The following AFF1 variants were observed in gnomAD, a reference collection of about 807,000 sequenced individuals.
The protein encoded by AFF1 is AF4/FMR2 family member 1.
A neutral mutation model predicts 121.7 loss-of-function variants in AFF1; 48 were observed. That is an observed-to-expected ratio of 0.39 (90% CI 0.31 to 0.50). The LOEUF (loss-of-function observed/expected upper bound fraction) is 0.50. Ranked by LOEUF, AFF1 falls within the 20% of genes least tolerant of loss-of-function variation. The pLI is 0.76. For missense variants in AFF1, 1,523 were observed against 1,511.7 expected, an observed-to-expected ratio of 1.01 and a Z score of -0.12; for synonymous variants, 613 against 563.0, an observed-to-expected ratio of 1.09 and a Z score of -1.26.
intron 4 of AFF1, among the ~76,000 whole-genome samples, chr4:87,075,107 T>G (rs763557229): frequency 1.3e-5 from 2 of 152,190 alleles, no homozygotes; most frequent in Non-Finnish European, 2.9e-5. Flanking sequence ...ATAATCAAAA[T>G]GACCAACTGG....
chr4:87,027,742 A>G (rs1460811888), intron 2 of AFF1, among the ~76,000 whole-genome samples: 1 of 151,900 alleles, frequency 6.6e-6, no homozygotes, highest in Non-Finnish European at 1.5e-5. Flanking sequence ...CAAAATCCTA[A>G]ACATTCCAAA....
intron 1 of AFF1, among the ~76,000 whole-genome samples, chr4:86,938,361 A>T (rs1720198616): frequency 6.6e-6 from 1 of 151,628 alleles, no homozygotes; most frequent in Non-Finnish European, 1.5e-5. Flanking sequence ...AAGGCAGGAA[A>T]GTCGCTTGAA....
At chr4:87,095,613 A>G (rs1345730216) in intron 8 of AFF1, among the ~76,000 whole-genome samples, 3 of 152,202 alleles carry the variant, frequency 2.0e-5, no homozygotes, top group East Asian at 1.9e-4. Context: ...GGATGTGCAC[A>G]ATTGAAGATT....
chr4:86,948,253 G>A (rs1391817200), intron 1 of AFF1, among the ~76,000 whole-genome samples: 1 of 151,974 alleles, frequency 6.6e-6, no homozygotes, highest in Non-Finnish European at 1.5e-5. Flanking sequence ...CCTCCTTATG[G>A]TAAACTTGTG....
intron 2 of AFF1, among the ~76,000 whole-genome samples, chr4:87,039,910 A>ATTTC (rs2149599420): frequency 6.6e-6 from 1 of 151,970 alleles, no homozygotes; most frequent in African/African-American, 2.4e-5. Context: ...TTATTTATTT[A>ATTTC]TTTATTTTTG....
intron 2 of AFF1, among the ~76,000 whole-genome samples, chr4:87,039,225 C>A (rs888040792): frequency 6.6e-6 from 1 of 152,200 alleles, no homozygotes; most frequent in African/African-American, 2.4e-5. Context: ...GAATCACTCT[C>A]ACTAATCCTT....
Position 86,970,032 on chromosome 4 carries a change from G to A in AFF1, c.38+21461G>A, listed in dbSNP as rs142733540. 1.6e-3 allele frequency among the ~76,000 whole-genome samples: 248 copies of A among 151,982 alleles called. 1 individual carries two copies. Among genetic ancestry groups the A allele is most frequent in the African/African-American group, 5.8e-3 (239 of 41,424 alleles). Reference sequence around the variant, plus strand: ...CTAGATAAACACATTCATAGAACAGGTCTGAAAGGGGGTGCACCAACTCCA... The same window carrying A: ...CTAGATAAACACATTCATAGAACAGATCTGAAAGGGGGTGCACCAACTCCA... On this transcript the variant is annotated intron_variant, in intron 2 of 20. Transcript: ENST00000395146.
At chr4:86,961,936 A>G (rs1017298766) in intron 2 of AFF1, among the ~76,000 whole-genome samples, 4 of 152,188 alleles carry the variant, frequency 2.6e-5, no homozygotes, top group Non-Finnish European at 4.4e-5. Context: ...GGTAAACGAG[A>G]TATGAAATTG....
chr4:87,016,621 C>G (rs978462190), intron 2 of AFF1, among the ~76,000 whole-genome samples: 1 of 151,890 alleles, frequency 6.6e-6, no homozygotes, highest in African/African-American at 2.4e-5. Context: ...TGTCAAGTGA[C>G]AACTCAGTAA....
At position 87,073,066 on chromosome 4, in the gene AFF1, T is replaced by TA. The variant is rs539470714; in HGVS notation, c.1060-11041dup. 3.8e-3 allele frequency among the ~76,000 whole-genome samples: 521 copies of TA among 137,734 alleles called. 3 individuals are homozygous for TA. In the East Asian group the frequency reaches 0.041, roughly 11 times the overall value. The allele number at this position is 137,734 out of a possible 152,430, so 90.4% of individuals were successfully genotyped here. ...AAGATTCAGTGGGATTAGTAAGCCT[T>TA]AAAAAAAAAAAAAGACCAAATCTGT... On this transcript the variant is annotated intron_variant, in intron 4 of 20. Coordinates refer to ENST00000395146, the MANE Select transcript of AFF1 (RefSeq NM_001166693.3).
At chr4:87,016,042 G>A (rs1360342015) in intron 2 of AFF1, among the ~76,000 whole-genome samples, 5 of 152,202 alleles carry the variant, frequency 3.3e-5, no homozygotes, top group Non-Finnish European at 7.3e-5. Context: ...TTAGCTGGGC[G>A]TAGTGGCAGG....
intron 1 of AFF1, among the ~76,000 whole-genome samples, chr4:86,937,358 C>T (rs1000102082): frequency 5.9e-5 from 9 of 152,190 alleles, no homozygotes; most frequent in African/African-American, 2.2e-4. Flanking sequence ...AACAGGCATG[C>T]ATTTTTTGCC....
intron 16 of AFF1, among the ~76,000 whole-genome samples, chr4:87,130,553 G>A (rs543751689): frequency 5.9e-5 from 9 of 152,274 alleles, no homozygotes; most frequent in Admixed American, 3.9e-4. Context: ...TGTTGGCCTC[G>A]GAGGATGGTT....
intron 2 of AFF1, among the ~76,000 whole-genome samples, chr4:87,013,032 CTTTTTTTTTTTT>C (rs61071328): frequency 4.3e-5 from 4 of 93,490 alleles, no homozygotes; most frequent in African/African-American, 1.3e-4. Flanking sequence ...CTATCAAGTT[CTTTTTTTTTTTT>C]TTTTTTTTTT....
chr4:86,986,634 A>C (rs1724299333), intron 2 of AFF1, among the ~76,000 whole-genome samples: 1 of 152,084 alleles, frequency 6.6e-6, no homozygotes, highest in South Asian at 2.1e-4. Context: ...AATAAATCTC[A>C]TAAAAAAGAA....
chr4:87,103,369 A>C (rs979573519), intron 8 of AFF1, among the ~76,000 whole-genome samples: 1 of 152,226 alleles, frequency 6.6e-6, no homozygotes, highest in African/African-American at 2.4e-5. Flanking sequence ...TTTATCAAAT[A>C]AATTATACTC....
At chr4:87,022,586 ATCTATATC>A (rs1560547416) in intron 2 of AFF1, among the ~76,000 whole-genome samples, 27 of 91,494 alleles carry the variant, frequency 3.0e-4, no homozygotes, top group African/African-American at 1.5e-3. Context: ...ATATATATCT[ATCTATATC>A]TATCTGTGTG....
chr4:87,078,163 G>A (rs991084201), intron 4 of AFF1, among the ~76,000 whole-genome samples: 1 of 152,242 alleles, frequency 6.6e-6, no homozygotes, highest in Admixed American at 6.5e-5. Context: ...GCCAATCTAC[G>A]TGTGAAAAGT....
intron 4 of AFF1, among the ~76,000 whole-genome samples, chr4:87,058,659 A>T (rs1044956806): frequency 6.6e-6 from 1 of 152,182 alleles, no homozygotes; most frequent in Non-Finnish European, 1.5e-5. Flanking sequence ...GATAGTCTAT[A>T]GTTACATTTA....
Sources: allele counts gnomAD v4.1 joint callset (sites outside exome capture counted in the v4.1 genomes callset), GRCh38; gene constraint gnomAD v4.1.1; transcripts MANE v1.5; gene names NCBI Gene and HGNC (gene_info 2026-07-23, HGNC 2026-07-21).